The following HYDIN variants were observed in gnomAD, a reference collection of about 807,000 sequenced individuals.
HYDIN encodes the protein axonemal central pair apparatus protein HYDIN.
Under a neutral mutation model 403.9 loss-of-function variants are expected in HYDIN, and 132 were observed. The ratio of observed to expected loss-of-function variants is 0.33; its 90% CI spans 0.28 to 0.38. HYDIN has a LOEUF of 0.38. Among genes scored for constraint, HYDIN ranks in the 10% least tolerant of loss-of-function variants. The pLI, the probability that HYDIN is intolerant of heterozygous loss-of-function variation, is 1.00. For synonymous variants in HYDIN, 1,202 were observed against 1,891.7 expected (o/e 0.64, Z 9.46); for missense variants, 2,827 against 5,009.5 (o/e 0.56, Z 13.15).
intron 28 of HYDIN, 187 bp downstream of exon 28, chr16:70,984,998 G>A (rs2079146654): frequency 3.6e-6 from 2 of 548,170 alleles, no homozygotes; most frequent in African/African-American, 3.8e-5. Flanking sequence ...GTTACTGTGG[G>A]ACTAAATAAA....
At chr16:70,851,232 A>C in intron 73 of HYDIN, among the ~76,000 whole-genome samples, 1 of 144,412 alleles carries the variant, frequency 6.9e-6, no homozygotes, top group African/African-American at 2.6e-5. Flanking sequence ...AAAAAAGAGT[A>C]AGAAAGGAAA....
chr16:71,149,434 C>T (rs1037222066), intron 7 of HYDIN, among the ~76,000 whole-genome samples: 5 of 150,506 alleles, frequency 3.3e-5, no homozygotes, highest in African/African-American at 1.2e-4. Context: ...AAATATTTAC[C>T]CAAGAGAAAT....
intron 72 of HYDIN, among the ~76,000 whole-genome samples, chr16:70,855,486 G>A (rs1288321289): frequency 6.6e-6 from 1 of 152,280 alleles, no homozygotes. Flanking sequence ...CTTCTGCTGA[G>A]TGGCTCCTCT....
chr16:70,967,487 ATT>A (rs10663920), intron 36 of HYDIN, among the ~76,000 whole-genome samples: 1 of 130,630 alleles, frequency 7.7e-6, no homozygotes. Context: ...ATTATTTTGT[ATT>A]TTTTTTTTTT....
At chr16:71,144,680 T>A (rs900778418) in intron 7 of HYDIN, among the ~76,000 whole-genome samples, 1 of 151,908 alleles carries the variant, frequency 6.6e-6, no homozygotes, top group Non-Finnish European at 1.5e-5. Context: ...ATGCTCAACC[T>A]CCTTAATTGC....
intron 23 of HYDIN, among the ~76,000 whole-genome samples, chr16:71,017,218 C>T (rs1476412083): frequency 1.3e-5 from 2 of 150,866 alleles, no homozygotes; most frequent in Non-Finnish European, 2.9e-5. Context: ...GGCGTGGTGG[C>T]AGGCACCTGT....
intron 45 of HYDIN, among the ~76,000 whole-genome samples, chr16:70,934,907 T>C (rs1597362123): frequency 6.6e-6 from 1 of 152,068 alleles, no homozygotes; most frequent in East Asian, 1.9e-4. Flanking sequence ...TGGGTATAAT[T>C]TGAGGTTAAT....
At chr16:70,964,925 T>C (rs2078527610) in intron 36 of HYDIN, 29 bp from the exon 37 acceptor site, 4 of 1,611,528 alleles carry the variant, frequency 2.5e-6, no homozygotes, top group Non-Finnish European at 3.4e-6. Context: ...AGAATCCTGT[T>C]GGTCTCACTA....
intron 3 of HYDIN, among the ~76,000 whole-genome samples, chr16:71,181,725 T>C (rs2086912084): frequency 6.6e-6 from 1 of 152,194 alleles, no homozygotes; most frequent in African/African-American, 2.4e-5. Context: ...TAAAAATTCA[T>C]GTCTTCATTC....
At chr16:71,168,052 T>C (rs2086304124) in intron 5 of HYDIN, among the ~76,000 whole-genome samples, 1 of 152,064 alleles carries the variant, frequency 6.6e-6, no homozygotes. Flanking sequence ...GCACAGTGGC[T>C]CATGCCTGTA....
chr16:70,960,703 T>A (rs1340624768), intron 38 of HYDIN, among the ~76,000 whole-genome samples: 1 of 152,252 alleles, frequency 6.6e-6, no homozygotes, highest in Non-Finnish European at 1.5e-5. Context: ...GTTTTTCTTT[T>A]TTTTCTTGAG....
intron 85 of HYDIN, among the ~76,000 whole-genome samples, chr16:70,809,051 G>T (rs774370680): frequency 1.3e-5 from 2 of 152,166 alleles, no homozygotes; most frequent in Non-Finnish European, 2.9e-5. Context: ...CTAATTTGCT[G>T]TTATTTGTGG....
intron 43 of HYDIN, 43 bp from the exon 44 acceptor site, chr16:70,938,798 T>G (rs1616432): frequency 1.2e-6 from 2 of 1,608,066 alleles, no homozygotes; most frequent in African/African-American, 1.3e-5. Context: ...AAAGTCCTTC[T>G]CAGTCTCGCT....
intron 1 of HYDIN, among the ~76,000 whole-genome samples, chr16:71,227,665 G>A (rs1005052662): frequency 1.4e-4 from 21 of 151,820 alleles, no homozygotes; most frequent in African/African-American, 5.1e-4. Flanking sequence ...AAATAAAAGA[G>A]GACACAAATG....
Position 70,808,460 on chromosome 16 carries a change from C to T in HYDIN, c.14884-398G>A, listed in dbSNP as rs563967481. Among the ~76,000 whole-genome samples the T allele has an allele frequency of 7.9e-5, 12 of 152,244 alleles. No individual in the cohort carries two copies. The East Asian group carries it at 2.3e-3, about 29-fold the overall frequency. ...GAGCAGAAGTGAAAGGTGTCACTTC[C>T]ATGCTAGAGCCTTTCATTGCCAATT... is the stretch of plus-strand genomic sequence containing the variant. On this transcript the variant is annotated intron_variant, in intron 85 of 85. Coordinates refer to ENST00000393567, the MANE Select transcript of HYDIN (RefSeq NM_001270974.2).
rs950967025 is a variant in HYDIN, at chr16:71,230,148, T to C, written c.-24+414A>G. 2.0e-5 allele frequency among the ~76,000 whole-genome samples: 3 copies of C among 152,214 alleles called. No individual in the cohort carries two copies. In the East Asian group the frequency reaches 5.8e-4, roughly 29 times the overall value. The stretch of plus-strand genomic sequence containing the variant: ...TCTTTTCTTTGTAATTAGCCTCAGA[T>C]ATGTCTTTATTAGCAGAATGATAAC... On this transcript the variant is annotated intron_variant, in intron 1 of 85. Transcript: ENST00000393567.
chr16:70,926,209 C>A (rs2077147877), intron 45 of HYDIN, among the ~76,000 whole-genome samples: 1 of 150,184 alleles, frequency 6.7e-6, no homozygotes, highest in South Asian at 2.2e-4. Context: ...TTGGAACCAA[C>A]CCAAATGTCC....
chr16:71,107,569 A>T (rs2083663791), intron 10 of HYDIN, among the ~76,000 whole-genome samples: 1 of 152,182 alleles, frequency 6.6e-6, no homozygotes, highest in African/African-American at 2.4e-5. Context: ...GCATATGAAA[A>T]AAAGCTCAAT....
intron 75 of HYDIN, among the ~76,000 whole-genome samples, chr16:70,849,423 TC>T (rs2038461565): frequency 6.6e-6 from 1 of 152,198 alleles, no homozygotes; most frequent in South Asian, 2.1e-4. Flanking sequence ...CTTTTTTTTT[TC>T]ATTCAATAAT....
Sources: gnomAD v4.1 joint callset for allele counts (sites outside exome capture counted in the v4.1 genomes callset) on GRCh38, gnomAD v4.1.1 for gene constraint, MANE v1.5 for transcripts, NCBI Gene and HGNC (gene_info 2026-07-23, HGNC 2026-07-21) for gene names.